CHD9: variants seen among roughly 807,000 people sequenced by gnomAD.
CHD9 encodes the protein ATP-dependent chromatin remodeler CHD9.
A neutral mutation model predicts 316.1 loss-of-function variants in CHD9; 77 were observed. The ratio of observed to expected loss-of-function variants is 0.24; its 90% CI spans 0.20 to 0.29. The LOEUF (loss-of-function observed/expected upper bound fraction) is 0.29. CHD9 is among the 10% of genes least tolerant of loss of function. The pLI, the probability that CHD9 is intolerant of heterozygous loss-of-function variation, is 1.00. For missense variants in CHD9, 2,763 were observed against 3,438.1 expected, an observed-to-expected ratio of 0.80 and a Z score of 4.91; for synonymous variants, 1,129 against 1,158.3, an observed-to-expected ratio of 0.97 and a Z score of 0.51.
At chr16:53,306,441 T>G in intron 32 of CHD9, 44 bp downstream of exon 32, 1 of 1,441,928 alleles carries the variant, frequency 6.9e-7, no homozygotes, top group Non-Finnish European at 9.3e-7. Flanking sequence ...TTTTTAGTAT[T>G]TTTCTATATT....
chr16:53,252,580 C>T (rs2050214658), intron 17 of CHD9, among the ~76,000 whole-genome samples: 2 of 151,766 alleles, frequency 1.3e-5, no homozygotes, highest in African/African-American at 2.4e-5. Flanking sequence ...AGAGCTTTTG[C>T]ATGGCAAAAA....
At position 53,193,198 on chromosome 16, in the gene CHD9, C is replaced by A. The variant is rs751568242; in HGVS notation, c.1453-16284C>A. Reference sequence around the variant, plus strand: ...GGCACGGTGGCTCATACCTGTAATCCAACACTTTGGGAGGCCGAGGCAGGT... The same window carrying A: ...GGCACGGTGGCTCATACCTGTAATCAAACACTTTGGGAGGCCGAGGCAGGT... On this transcript the variant is annotated intron_variant, in intron 2 of 38. Coordinates refer to ENST00000447540, the MANE Select transcript of CHD9 (RefSeq NM_001308319.2). Among the ~76,000 whole-genome samples, 5 of 152,110 alleles carry A rather than the reference C, an allele frequency of 3.3e-5. No homozygotes were observed. In the East Asian group the frequency reaches 9.7e-4, roughly 29 times the overall value.
In CHD9 at chr16:53,209,648, G is replaced by A. The variant is rs373596251; in HGVS notation, c.1619G>A (p.Arg540His). ...GAGGCCATAGCAAAAGCAAAGGAGC[G>A]TGGGGAACGCAATATTCCACGAGTA... is the stretch of plus-strand genomic sequence containing the variant. ...ISEAIAKAKE[R>H]GERNIPRVMS... is the part of the protein sequence containing the mutation. Residue 540 changes from arginine (R) to histidine (H), a missense_variant, in exon 3 of 39, where the codon CGT becomes CAT. By Grantham distance (29) the Arg-to-His change is conservative (BLOSUM62 0). Coordinates refer to ENST00000447540, the MANE Select transcript of CHD9 (RefSeq NM_001308319.2). 2.6e-5 allele frequency: 42 copies of A among 1,613,746 alleles called. No individual in the cohort carries two copies. The highest frequency in any genetic ancestry group is 5.3e-5 in the African/African-American group (4 of 74,890).
rs1241443746 is a variant in CHD9, at chr16:53,324,526, C to T, written c.8325C>T (p.Ser2775=). 6 of 1,613,884 alleles carry T rather than the reference C, an allele frequency of 3.7e-6. No individual in the cohort carries two copies. The East Asian group carries it at 6.7e-5, about 18-fold the overall frequency. ...GGENSVSSSP[S]TSSTAALNTA... ...AAAACTCTGTGTCAAGTTCTCCTTC[C>T]ACATCCTCTACTGCTGCATTAAATA... The change falls in exon 39 of 39, where the codon TCC becomes TCT. Residue 2775 remains serine (S), a synonymous_variant. Coordinates refer to ENST00000447540, the MANE Select transcript of CHD9 (RefSeq NM_001308319.2).
intron 1 of CHD9, among the ~76,000 whole-genome samples, chr16:53,091,049 C>A (rs570578332): frequency 6.6e-6 from 1 of 152,196 alleles, no homozygotes; most frequent in South Asian, 2.1e-4. Context: ...TCCTCTCCCC[C>A]GCCCTTGGGC....
At chr16:53,298,088 G>A (rs1055539580) in intron 30 of CHD9, 3 of 152,212 alleles carry the variant, frequency 2.0e-5, no homozygotes, top group African/African-American at 7.2e-5. Flanking sequence ...AGTTTTAAAA[G>A]GGAAAGAGCT....
chr16:53,225,404 A>T (rs954080366), intron 4 of CHD9, among the ~76,000 whole-genome samples: 1 of 152,198 alleles, frequency 6.6e-6, no homozygotes, highest in East Asian at 1.9e-4. Flanking sequence ...AGGGAAATTT[A>T]AAAAATAAAC....
At chr16:53,187,224 G>A (rs144296078) in intron 2 of CHD9, among the ~76,000 whole-genome samples, 2 of 152,128 alleles carry the variant, frequency 1.3e-5, no homozygotes, top group South Asian at 4.2e-4. Flanking sequence ...TGTAGAGGGA[G>A]AAGCCAGGTG....
intron 19 of CHD9, among the ~76,000 whole-genome samples, chr16:53,257,806 T>G (rs960213554): frequency 6.6e-6 from 1 of 152,154 alleles, no homozygotes; most frequent in Non-Finnish European, 1.5e-5. Context: ...AGAAGTAAAG[T>G]ATAAGACTGA....
At chr16:53,230,567 T>G (rs1196880760) in intron 8 of CHD9, among the ~76,000 whole-genome samples, 2 of 152,230 alleles carry the variant, frequency 1.3e-5, no homozygotes, top group Non-Finnish European at 2.9e-5. Context: ...AAGTTCCTAA[T>G]AAGCTGAAGA....
At chr16:53,066,358 T>C (rs1322199542) in intron 1 of CHD9, among the ~76,000 whole-genome samples, 2 of 152,234 alleles carry the variant, frequency 1.3e-5, no homozygotes, top group East Asian at 1.9e-4. Flanking sequence ...ACATTGGTTA[T>C]GCTTAACTAA....
chr16:53,101,688 C>A (rs1423963376), intron 1 of CHD9, among the ~76,000 whole-genome samples: 1 of 152,160 alleles, frequency 6.6e-6, no homozygotes, highest in African/African-American at 2.4e-5. Context: ...CCTTACAAGG[C>A]CTTGTACCTA....
chr16:53,291,094 C>A (rs190376368), intron 27 of CHD9, among the ~76,000 whole-genome samples: 1 of 152,014 alleles, frequency 6.6e-6, no homozygotes. Context: ...ATTGAAGATA[C>A]ACCAAACAAA....
At chr16:53,241,464 A>G (rs2049086574) in intron 12 of CHD9, among the ~76,000 whole-genome samples, 1 of 152,226 alleles carries the variant, frequency 6.6e-6, no homozygotes, top group Admixed American at 6.5e-5. Flanking sequence ...CTGTATCACC[A>G]AGTGTAAACT....
intron 17 of CHD9, among the ~76,000 whole-genome samples, chr16:53,251,936 T>A (rs1281318144): frequency 6.6e-6 from 1 of 152,200 alleles, no homozygotes; most frequent in African/African-American, 2.4e-5. Flanking sequence ...CCCATGTTCA[T>A]GGATGGGAAG....
chr16:53,308,867 G>A lies in CHD9; in HGVS notation c.7222+13G>A. ...ATACCAGTATCAGGTGAATATGCAA[G>A]TAATAATTGTCTTACTATGAAATAT... On this transcript the variant is annotated intron_variant, in intron 34 of 38. Transcript: ENST00000447540. The A allele has an allele frequency of 1.3e-6, 2 of 1,584,966 alleles. No homozygotes were observed. The highest frequency in any genetic ancestry group is 1.7e-6 in the Non-Finnish European group (2 of 1,157,948).
At chr16:53,279,546 A>G (rs1172730743) in intron 24 of CHD9, among the ~76,000 whole-genome samples, 1 of 152,162 alleles carries the variant, frequency 6.6e-6, no homozygotes. Context: ...ATGGACTTAA[A>G]TCTAAGACCT....
chr16:53,263,233 A>G (rs2051316334), intron 20 of CHD9, 136 bp downstream of exon 20: 4 of 582,564 alleles, frequency 6.9e-6, no homozygotes. Context: ...GGGTAGCAGA[A>G]TGAACTGAGT....
intron 1 of CHD9, among the ~76,000 whole-genome samples, chr16:53,129,984 G>C (rs2039146206): frequency 6.6e-6 from 1 of 152,074 alleles, no homozygotes; most frequent in African/African-American, 2.4e-5. Context: ...TTTCCAGTAC[G>C]CCCCCTGCTC....
Sources: allele counts gnomAD v4.1 joint callset (sites outside exome capture counted in the v4.1 genomes callset), GRCh38; gene constraint gnomAD v4.1.1; transcripts MANE v1.5; gene names NCBI Gene and HGNC (gene_info 2026-07-23, HGNC 2026-07-21).